The following CHORDC1 variants were observed in gnomAD, a reference collection of about 807,000 sequenced individuals.
The protein encoded by CHORDC1 is cysteine and histidine-rich domain-containing protein 1.
CHORDC1 carries 25 observed loss-of-function variants against 48.3 expected under a neutral mutation model. That is an observed-to-expected ratio of 0.52 (90% CI 0.38 to 0.72). The LOEUF is 0.72. Among genes scored for constraint, CHORDC1 ranks in the 30% least tolerant of loss-of-function variants. CHORDC1 has a pLI of 0.00. For missense variants in CHORDC1, 317 were observed against 388.7 expected (o/e 0.82, Z 1.55); for synonymous variants, 128 against 126.4 (o/e 1.01, Z -0.09).
chr11:90,207,766 AAAAAAAAAAAAAC>A (rs1249100044), intron 6 of CHORDC1: 2 of 147,982 alleles, frequency 1.4e-5, no homozygotes, highest in East Asian at 3.9e-4. Context: ...AAATACAAAA[AAAAAAAAAAAAAC>A]AAAAAAAACT....
intron 2 of CHORDC1, among the ~76,000 whole-genome samples, chr11:90,217,174 T>C (rs1858034040): frequency 6.6e-6 from 1 of 152,194 alleles, no homozygotes. Context: ...TTAGATTTGG[T>C]GGTGTTAACA....
At position 90,201,995 on chromosome 11, in the gene CHORDC1, C is replaced by T. The variant is rs943246384; in HGVS notation, c.*410G>A. 3 of 154,156 alleles carry T rather than the reference C, an allele frequency of 1.9e-5. No individual in the cohort carries two copies. The highest frequency in any genetic ancestry group is 7.2e-5 in the African/African-American group (3 of 41,470). The allele number at this position is 154,156 out of a possible 1,614,324, so 9.5% of individuals were successfully genotyped here. A position where few individuals can be genotyped will look rare whatever the true frequency, so the allele number is the denominator to read the frequency against. ...AATATTTTCAAGTACTGTAAGAACACAAATCCATGAAAAAACTGATTAAAA... is the reference window on the plus strand; with the variant it reads ...AATATTTTCAAGTACTGTAAGAACATAAATCCATGAAAAAACTGATTAAAA... On this transcript the variant is annotated 3_prime_UTR_variant, in exon 11 of 11. Coordinates refer to ENST00000320585, the MANE Select transcript of CHORDC1 (RefSeq NM_012124.3).
At chr11:90,202,632 A>C (rs1447315300) in intron 10 of CHORDC1, 81 bp from the exon 11 acceptor site, 4 of 1,495,480 alleles carry the variant, frequency 2.7e-6, no homozygotes, top group Admixed American at 2.1e-5. Flanking sequence ...TGCTTATGCC[A>C]ATAATCCCAA....
intron 1 of CHORDC1, among the ~76,000 whole-genome samples, chr11:90,221,923 T>C (rs1000676090): frequency 4.6e-5 from 7 of 152,246 alleles, no homozygotes; most frequent in South Asian, 2.1e-4. Context: ...TACAACCTCA[T>C]TGAACTGAGC....
At chr11:90,218,471 T>C (rs1358018331) in intron 1 of CHORDC1, among the ~76,000 whole-genome samples, 1 of 152,216 alleles carries the variant, frequency 6.6e-6, no homozygotes, top group Non-Finnish European at 1.5e-5. Context: ...ATTTGTTTAG[T>C]ACCAAAACTT....
At chr11:90,210,886 A>G (rs754412475) in intron 5 of CHORDC1, 11 of 353,672 alleles carry the variant, frequency 3.1e-5, no homozygotes, top group Non-Finnish European at 5.5e-5. Flanking sequence ...CCAGGTATAA[A>G]GTCAGAGAAT....
intron 6 of CHORDC1, chr11:90,206,914 A>G (rs1857711646): frequency 4.6e-6 from 2 of 438,368 alleles, no homozygotes; most frequent in Admixed American, 6.6e-5. Context: ...CAGAAAATAA[A>G]ATTCTGTGTT....
rs770135990 is a variant in CHORDC1 at position 90,206,205 on chromosome 11, T to C, written c.560A>G (p.Glu187Gly). The change falls in exon 7 of 11, where the codon GAG becomes GGG. Residue 187 changes from glutamate to glycine, a missense_variant. Transcript: ENST00000320585. ...TAATAAGTCATGCATAAGTTACCCC[T>C]CATGGAAAATAGGTACTCCAGAATG... ...VYHSGVPIFHEGMKYWSCCRR... is the reference protein window; with the variant it reads ...VYHSGVPIFHGGMKYWSCCRR... 3.3e-6 allele frequency: 5 copies of C among 1,515,688 alleles called. No homozygotes were observed. Among genetic ancestry groups the C allele is most frequent in the Non-Finnish European group, 4.6e-6 (5 of 1,090,920 alleles). The allele number at this position is 1,515,688 out of a possible 1,614,324, so 93.9% of individuals were successfully genotyped here. A position where few individuals can be genotyped will look rare whatever the true frequency, so the allele number is the denominator to read the frequency against.
intron 3 of CHORDC1, 131 bp from the exon 4 acceptor site, chr11:90,214,306 A>T (rs1857950579): frequency 2.6e-6 from 2 of 757,620 alleles, no homozygotes; most frequent in Non-Finnish European, 3.8e-6. Context: ...TGATTTTAAG[A>T]AATTAAAAAC....
intron 4 of CHORDC1, 59 bp downstream of exon 4, chr11:90,213,959 A>G: frequency 1.5e-6 from 2 of 1,373,804 alleles, no homozygotes; most frequent in South Asian, 1.4e-5. Context: ...AAAGGAAAGT[A>G]CCATGCACAA....
intron 6 of CHORDC1, chr11:90,206,666 T>G: frequency 1.7e-5 from 10 of 575,402 alleles, no homozygotes; most frequent in Non-Finnish European, 2.2e-5. Flanking sequence ...TCAAATAATA[T>G]GAGAAATCTA....
intron 1 of CHORDC1, among the ~76,000 whole-genome samples, chr11:90,219,445 C>T (rs1030414556): frequency 1.3e-5 from 2 of 152,188 alleles, no homozygotes; most frequent in African/African-American, 4.8e-5. Flanking sequence ...GGCCCCAAAA[C>T]TGGCCATCAA....
chr11:90,218,270 C>G, intron 1 of CHORDC1, 86 bp from the exon 2 acceptor site: 1 of 989,334 alleles, frequency 1.0e-6, no homozygotes, highest in Non-Finnish European at 1.5e-6. Context: ...AGGTGTTAAC[C>G]TTTAATCCTT....
chr11:90,219,499 G>GCC (rs1858108736), intron 1 of CHORDC1, among the ~76,000 whole-genome samples: 1 of 152,170 alleles, frequency 6.6e-6, no homozygotes, highest in African/African-American at 2.4e-5. Context: ...CGGCTTTGAT[G>GCC]CCCAGGCTAG....
At chr11:90,219,068 C>T (rs749432342) in intron 1 of CHORDC1, among the ~76,000 whole-genome samples, 2 of 151,938 alleles carry the variant, frequency 1.3e-5, no homozygotes, top group Non-Finnish European at 2.9e-5. Flanking sequence ...GAGTACGAGA[C>T]CAGCCTAACC....
Position 90,201,335 on chromosome 11 carries a change from C to G in CHORDC1, c.*1070G>C, listed in dbSNP as rs1591045828. 1 of 151,876 alleles carries G rather than the reference C, an allele frequency of 6.6e-6. No homozygotes were observed. The highest frequency in any genetic ancestry group is 3.4e-3 in the Middle Eastern group (1 of 292). The allele number at this position is 151,876 out of a possible 1,614,324, so 9.4% of individuals were successfully genotyped here. On this transcript the variant is annotated 3_prime_UTR_variant, in exon 11 of 11. Transcript: ENST00000320585. ...CTTGAGTTCTGCACTAACTCAAAAC[C>G]TATCCAAACGATCTAATTCTGTATT...
intron 7 of CHORDC1, chr11:90,205,820 T>C: frequency 2.1e-6 from 1 of 469,332 alleles, no homozygotes. Context: ...AACTGCAGGA[T>C]GCGGAAAAGT....
chr11:90,213,571 C>G, intron 4 of CHORDC1: 3 of 500,202 alleles, frequency 6.0e-6, no homozygotes, highest in Middle Eastern at 2.8e-4. Context: ...AAATCAAATG[C>G]ATTAAAAATT....
At position 90,203,337 on chromosome 11, in the gene CHORDC1, G is replaced by A; in HGVS notation, c.760C>T (p.Leu254Phe). The A allele has an allele frequency of 1.3e-6, 2 of 1,599,154 alleles. No individual in the cohort carries two copies. The highest frequency in any genetic ancestry group is 1.7e-6 in the Non-Finnish European group (2 of 1,169,922). ...SVYAKNSLPE[L>F]SRVEANSTLL... ...GTGCTATTTGCTTCTACTCGGCTAA[G>A]TTCTGGAAGTGAGTTTTTAGCATAT... Residue 254 changes from leucine to phenylalanine, a missense_variant, in exon 9 of 11, where the codon CTT (leucine) becomes TTT (phenylalanine). By Grantham distance (22) the Leu-to-Phe change is conservative. Coordinates refer to ENST00000320585, the MANE Select transcript of CHORDC1 (RefSeq NM_012124.3).
Sources: gnomAD v4.1 joint callset for allele counts (sites outside exome capture counted in the v4.1 genomes callset) on GRCh38, gnomAD v4.1.1 for gene constraint, MANE v1.5 for transcripts, NCBI Gene and HGNC (gene_info 2026-07-23, HGNC 2026-07-21) for gene names.